The following ACYP2 variants were observed in gnomAD, a reference collection of about 807,000 sequenced individuals.
ACYP2 encodes the protein acylphosphatase-2.
ACYP2 carries 12 observed loss-of-function variants against 11.2 expected under a neutral mutation model. The ratio of observed to expected loss-of-function variants is 1.08; its 90% CI spans 0.69 to 1.74. The LOEUF is 1.74. ACYP2 is among the 40% of genes most tolerant of loss of function. The probability of loss-of-function intolerance (pLI) is 0.00; values close to 1 mark genes in which losing one functional copy is unlikely to be tolerated. For missense variants in ACYP2, 134 were observed against 101.9 expected (o/e 1.31, Z -1.35); for synonymous variants, 43 against 32.2 (o/e 1.33, Z -1.13).
intron 2 of ACYP2, chr2:54,050,902 G>GT (rs1675823985): frequency 2.5e-6 from 1 of 393,414 alleles, no homozygotes; most frequent in Non-Finnish European, 4.5e-6. Flanking sequence ...AGCCTTCTGA[G>GT]TAGCTGAGAC....
At chr2:54,255,074 G>C (rs1371311214) in intron 6 of ACYP2, 2 of 1,614,024 alleles carry the variant, frequency 1.2e-6, no homozygotes, top group Admixed American at 3.3e-5. Context: ...TCGGACTCTG[G>C]AAGGCTGTGG....
intron 2 of ACYP2, among the ~76,000 whole-genome samples, chr2:53,985,433 C>T (rs577145813): frequency 7.9e-5 from 12 of 152,168 alleles, no homozygotes; most frequent in Admixed American, 3.9e-4. Flanking sequence ...TTCATGTTCT[C>T]ACTTCAGGAC....
chr2:54,282,452 G>A (rs1465187762), intron 6 of ACYP2, among the ~76,000 whole-genome samples: 2 of 152,180 alleles, frequency 1.3e-5, no homozygotes, highest in African/African-American at 2.4e-5. Flanking sequence ...GTGGTCATAT[G>A]TCAAGATCCT....
intron 4 of ACYP2, among the ~76,000 whole-genome samples, chr2:54,092,326 G>T (rs1241280733): frequency 6.6e-6 from 1 of 152,120 alleles, no homozygotes; most frequent in Admixed American, 6.5e-5. Context: ...GGAGAAGTTG[G>T]GATTTCTGCT....
intron 6 of ACYP2, among the ~76,000 whole-genome samples, chr2:54,245,404 G>A (rs1369816578): frequency 6.6e-6 from 1 of 152,166 alleles, no homozygotes; most frequent in Non-Finnish European, 1.5e-5. Context: ...GCTGAGTAGT[G>A]GGATTGTTGG....
chr2:54,008,206 A>G (rs920224229), intron 2 of ACYP2, among the ~76,000 whole-genome samples: 2 of 152,238 alleles, frequency 1.3e-5, no homozygotes. Flanking sequence ...AAGACCATGC[A>G]GCTGCCAAGC....
At chr2:54,072,627 G>A (rs1165843018) in intron 4 of ACYP2, among the ~76,000 whole-genome samples, 1 of 148,070 alleles carries the variant, frequency 6.8e-6, no homozygotes, top group Non-Finnish European at 1.5e-5. Context: ...CAGTAGCACA[G>A]GCTTGGCTCA....
At position 54,254,683 on chromosome 2, in the gene ACYP2, C is replaced by A. The variant is rs1687403669; in HGVS notation, c.405-50005C>A. 3 of 522,190 alleles carry A rather than the reference C, an allele frequency of 5.7e-6. No homozygotes were observed. The South Asian group carries it at 8.7e-5, about 15-fold the overall frequency. The allele number at this position is 522,190 out of a possible 1,614,324, so 32.3% of individuals were successfully genotyped here. ...ATTCGCTTCGCTTAGAAGGATGTGACCCATCGGCTGGGAGCATGTGATGTT... is the reference window on the plus strand; with the variant it reads ...ATTCGCTTCGCTTAGAAGGATGTGAACCATCGGCTGGGAGCATGTGATGTT... On this transcript the variant is annotated intron_variant, in intron 6 of 6. Transcript: ENST00000607452.
intron 6 of ACYP2, among the ~76,000 whole-genome samples, chr2:54,204,248 C>T (rs578131206): frequency 1.6e-4 from 25 of 152,038 alleles, no homozygotes; most frequent in African/African-American, 5.1e-4. Context: ...CCGCCCACCT[C>T]GGCCAAAGTG....
chr2:53,996,523 C>A (rs748297478), intron 2 of ACYP2, among the ~76,000 whole-genome samples: 2 of 152,098 alleles, frequency 1.3e-5, no homozygotes, highest in African/African-American at 2.4e-5. Context: ...CAAAGATTGC[C>A]TGTTAAGAGA....
chr2:54,176,872 A>C (rs765255609), intron 6 of ACYP2, among the ~76,000 whole-genome samples: 1 of 152,184 alleles, frequency 6.6e-6, no homozygotes, highest in African/African-American at 2.4e-5. Context: ...TCCTAGCTCT[A>C]GAGCTCGATG....
chr2:54,210,463 A>G lies in ACYP2; in HGVS notation c.404+71715A>G, dbSNP rs192952324. ...AGAATTACAAAACCATTACATTCAA[A>G]TGAGCGGTGTTATAATTCACTTCCA... On this transcript the variant is annotated intron_variant, in intron 6 of 6. Transcript: ENST00000607452. 2.0e-3 allele frequency among the ~76,000 whole-genome samples: 303 copies of G among 152,340 alleles called. 2 individuals carry two copies. Among genetic ancestry groups the G allele is most frequent in the African/African-American group, 7.0e-3 (289 of 41,576 alleles).
intron 4 of ACYP2, among the ~76,000 whole-genome samples, chr2:54,097,389 C>A (rs947064352): frequency 2.0e-5 from 3 of 152,218 alleles, no homozygotes; most frequent in African/African-American, 7.2e-5. Flanking sequence ...TTGCAGGACT[C>A]AGTAAGTATT....
intron 2 of ACYP2, among the ~76,000 whole-genome samples, chr2:53,978,646 G>A (rs916749769): frequency 2.0e-5 from 3 of 152,222 alleles, no homozygotes; most frequent in African/African-American, 7.2e-5. Flanking sequence ...AGCACTTTGA[G>A]AGACCGAGGT....
rs138039115 is a variant in ACYP2, at chr2:54,204,017, C to T, written c.404+65269C>T. On this transcript the variant is annotated intron_variant, in intron 6 of 6. Coordinates refer to ENST00000607452, the MANE Select transcript of ACYP2 (RefSeq NM_001320586.2). ...GTTGTTGTTATTGTTGTTTTTAAGA[C>T]GGAGTCTCGCTCTGTCACCCCGGCT... Among the ~76,000 whole-genome samples the T allele has an allele frequency of 3.3e-3, 502 of 152,138 alleles. 1 individual carries two copies. The highest frequency in any genetic ancestry group is 6.7e-3 in the South Asian group (32 of 4,810).
At chr2:54,298,879 G>C (rs567629079) in intron 6 of ACYP2, among the ~76,000 whole-genome samples, 1 of 152,300 alleles carries the variant, frequency 6.6e-6, no homozygotes, top group South Asian at 2.1e-4. Context: ...AGCCTCCTGA[G>C]TAGCTGGACT....
At chr2:54,220,735 GT>G (rs1685764624) in intron 6 of ACYP2, among the ~76,000 whole-genome samples, 2 of 152,142 alleles carry the variant, frequency 1.3e-5, no homozygotes, top group Non-Finnish European at 2.9e-5. Context: ...ACCTCATTTA[GT>G]ATTTGGAATA....
intron 2 of ACYP2, among the ~76,000 whole-genome samples, chr2:54,028,816 C>T (rs962884681): frequency 4.6e-5 from 7 of 152,246 alleles, no homozygotes; most frequent in East Asian, 1.9e-4. Flanking sequence ...AGTTGGGAAA[C>T]GCTCTGTGGT....
intron 6 of ACYP2, among the ~76,000 whole-genome samples, chr2:54,143,903 A>C (rs569630979): frequency 6.6e-6 from 1 of 152,156 alleles, no homozygotes; most frequent in South Asian, 2.1e-4. Flanking sequence ...CAAATTAGGA[A>C]ATCACCTGGT....
Sources: gnomAD v4.1 joint callset for allele counts (sites outside exome capture counted in the v4.1 genomes callset) on GRCh38, gnomAD v4.1.1 for gene constraint, MANE v1.5 for transcripts, NCBI Gene and HGNC (gene_info 2026-07-23, HGNC 2026-07-21) for gene names.